Variants in ZNF827 observed in about 807,000 individuals in gnomAD.
The protein encoded by ZNF827 is zinc finger protein 827.
A neutral mutation model predicts 102.4 loss-of-function variants in ZNF827; 13 were observed. The observed-to-expected ratio is 0.13, with a 90% CI of 0.08 to 0.20. The LOEUF (loss-of-function observed/expected upper bound fraction) is 0.20. ZNF827 is among the 10% of genes least tolerant of loss of function. ZNF827 has a pLI of 1.00. For synonymous variants in ZNF827, 523 were observed against 536.2 expected, an observed-to-expected ratio of 0.98 and a Z score of 0.34; for missense variants, 1,103 against 1,344.4, an observed-to-expected ratio of 0.82 and a Z score of 2.81.
At chr4:145,769,776 A>C (rs1193666117) in intron 11 of ZNF827, among the ~76,000 whole-genome samples, 2 of 152,222 alleles carry the variant, frequency 1.3e-5, no homozygotes, top group Admixed American at 6.5e-5. Context: ...AGGTGATGCA[A>C]CTTCACACAT....
At chr4:145,834,047 C>G (rs150808092) in intron 7 of ZNF827, among the ~76,000 whole-genome samples, 2,011 of 152,174 alleles carry the variant, frequency 0.013, 46 homozygotes, top group African/African-American at 0.045. Flanking sequence ...CCTGTGTTCT[C>G]AAAAACTTAA....
At chr4:145,866,732 C>T (rs1467965631) in intron 5 of ZNF827, among the ~76,000 whole-genome samples, 1 of 152,210 alleles carries the variant, frequency 6.6e-6, no homozygotes, top group African/African-American at 2.4e-5. Context: ...CTTCTAGGAT[C>T]ACCCAACCAT....
chr4:145,773,969 T>C (rs1008947424), intron 11 of ZNF827, among the ~76,000 whole-genome samples: 3 of 152,124 alleles, frequency 2.0e-5, no homozygotes, highest in Non-Finnish European at 4.4e-5. Flanking sequence ...AGCTCTGGAA[T>C]GAAAACTGTT....
chr4:145,845,662 G>A (rs1393570884), intron 7 of ZNF827, among the ~76,000 whole-genome samples: 2 of 152,290 alleles, frequency 1.3e-5, no homozygotes, highest in East Asian at 3.9e-4. Context: ...CTGCAGAGAG[G>A]ATGATAATAA....
chr4:145,815,716 T>C (rs954148459), intron 8 of ZNF827, among the ~76,000 whole-genome samples: 1 of 152,244 alleles, frequency 6.6e-6, no homozygotes, highest in Non-Finnish European at 1.5e-5. Context: ...AAAGGCCTTG[T>C]AGATTGAATT....
intron 1 of ZNF827, among the ~76,000 whole-genome samples, chr4:145,924,852 C>T (rs902838610): frequency 1.3e-5 from 2 of 152,136 alleles, no homozygotes; most frequent in Admixed American, 6.5e-5. Flanking sequence ...TCAATGAAGT[C>T]CCTTATCTTA....
chr4:145,815,254 G>A (rs1265979511), intron 8 of ZNF827, among the ~76,000 whole-genome samples: 1 of 152,186 alleles, frequency 6.6e-6, no homozygotes, highest in Non-Finnish European at 1.5e-5. Context: ...GGATGGTGTG[G>A]TGAACCTCAT....
chr4:145,895,301 C>G (rs1395569441), intron 2 of ZNF827, among the ~76,000 whole-genome samples: 2 of 152,212 alleles, frequency 1.3e-5, no homozygotes, highest in Non-Finnish European at 2.9e-5. Flanking sequence ...TGAGACCCCT[C>G]AGTCTTCACC....
intron 1 of ZNF827, among the ~76,000 whole-genome samples, chr4:145,910,144 G>A (rs1422250039): frequency 6.6e-6 from 1 of 152,176 alleles, no homozygotes; most frequent in African/African-American, 2.4e-5. Flanking sequence ...CCACACACGG[G>A]GGGAGGGAGG....
At chr4:145,795,368 G>T (rs888384589) in intron 8 of ZNF827, among the ~76,000 whole-genome samples, 2 of 152,106 alleles carry the variant, frequency 1.3e-5, no homozygotes, top group Non-Finnish European at 2.9e-5. Context: ...GGCTGGTCTC[G>T]AACTCCTGCC....
chr4:145,772,966 G>C (rs1431637834), intron 11 of ZNF827, among the ~76,000 whole-genome samples: 2 of 152,198 alleles, frequency 1.3e-5, no homozygotes, highest in Non-Finnish European at 2.9e-5. Flanking sequence ...TCCAGCTTCT[G>C]CCTAGCCATA....
At chr4:145,834,642 T>C (rs1427644893) in intron 7 of ZNF827, among the ~76,000 whole-genome samples, 1 of 152,106 alleles carries the variant, frequency 6.6e-6, no homozygotes, top group African/African-American at 2.4e-5. Flanking sequence ...CCAAATCAGA[T>C]AGCGTTTAGG....
chr4:145,813,279 G>C (rs193134604), intron 8 of ZNF827, among the ~76,000 whole-genome samples: 3 of 152,098 alleles, frequency 2.0e-5, no homozygotes, highest in African/African-American at 7.2e-5. Context: ...ACATCAGCAC[G>C]GGAAGAGTGA....
chr4:145,779,238 A>T, intron 9 of ZNF827, 136 bp downstream of exon 9: 1 of 1,190,682 alleles, frequency 8.4e-7, no homozygotes, highest in Non-Finnish European at 1.1e-6. Context: ...TAAACATGCC[A>T]GAGAAAATGG....
At chr4:145,911,368 C>G (rs1221994517) in intron 1 of ZNF827, among the ~76,000 whole-genome samples, 2 of 152,192 alleles carry the variant, frequency 1.3e-5, no homozygotes, top group Non-Finnish European at 2.9e-5. Flanking sequence ...CAGGTACCGA[C>G]ATGCTTTGGA....
intron 8 of ZNF827, among the ~76,000 whole-genome samples, chr4:145,800,483 A>G (rs1443490704): frequency 3.9e-5 from 6 of 151,956 alleles, no homozygotes; most frequent in African/African-American, 1.2e-4. Context: ...CCTCCCGAGT[A>G]GCTAAGACTA....
chr4:145,764,920 C>T (rs200915500), intron 13 of ZNF827, 68 bp downstream of exon 13: 109 of 1,603,708 alleles, frequency 6.8e-5, no homozygotes, highest in South Asian at 1.4e-4. Flanking sequence ...CGGGAAGGGA[C>T]GGGGTAGGGA....
intron 4 of ZNF827, among the ~76,000 whole-genome samples, chr4:145,876,325 A>C (rs1749147025): frequency 6.6e-6 from 1 of 152,204 alleles, no homozygotes; most frequent in Non-Finnish European, 1.5e-5. Flanking sequence ...ATCTCTACGC[A>C]CTAGTAGCCA....
intron 7 of ZNF827, among the ~76,000 whole-genome samples, chr4:145,834,655 C>T (rs1470527589): frequency 2.0e-5 from 3 of 152,062 alleles, no homozygotes; most frequent in Non-Finnish European, 4.4e-5. Context: ...CGTTTAGGCT[C>T]TTTTTCATCA....
Sources: gnomAD v4.1 joint callset for allele counts (sites outside exome capture counted in the v4.1 genomes callset) on GRCh38, gnomAD v4.1.1 for gene constraint, MANE v1.5 for transcripts, NCBI Gene and HGNC (gene_info 2026-07-23, HGNC 2026-07-21) for gene names.